Variants in AHI1 observed in about 807,000 individuals in gnomAD.
AHI1 encodes the protein jouberin.
In AHI1, 123 loss-of-function variants were observed where a neutral mutation model predicts 149.3. That is an observed-to-expected ratio of 0.82 (90% CI 0.71 to 0.96). The LOEUF is 0.96. Ranked by LOEUF, AHI1 falls within the 40% of genes least tolerant of loss-of-function variation. The pLI is 0.00. For missense variants in AHI1, 1,439 were observed against 1,422.7 expected (o/e 1.01, Z -0.18); for synonymous variants, 475 against 459.8 (o/e 1.03, Z -0.42).
At chr6:135,316,165 T>A (rs544599826) in intron 26 of AHI1, among the ~76,000 whole-genome samples, 3 of 152,166 alleles carry the variant, frequency 2.0e-5, no homozygotes, top group Admixed American at 6.5e-5. Context: ...GTCTTTCCAA[T>A]AAAGTACTTC....
intron 23 of AHI1, among the ~76,000 whole-genome samples, chr6:135,363,992 GC>G (rs1794440668): frequency 7.0e-6 from 1 of 142,750 alleles, no homozygotes; most frequent in East Asian, 2.1e-4. Context: ...GGGCAGAGGG[GC>G]TCCTCACTTC....
chr6:135,479,876 G>A (rs1049355588), intron 5 of AHI1, among the ~76,000 whole-genome samples: 1 of 152,098 alleles, frequency 6.6e-6, no homozygotes, highest in South Asian at 2.1e-4. Context: ...CCCTCTTGCT[G>A]TTCTCATGAG....
intron 27 of AHI1, among the ~76,000 whole-genome samples, chr6:135,298,577 C>T (rs1205310601): frequency 6.6e-6 from 1 of 152,182 alleles, no homozygotes; most frequent in Non-Finnish European, 1.5e-5. Flanking sequence ...ACCATCAACT[C>T]GCCTACAGTT....
In AHI1 at chr6:135,441,549, T is replaced by A. The variant is rs558333189; in HGVS notation, c.1912+1033A>T. 9.6e-3 allele frequency among the ~76,000 whole-genome samples: 1,458 copies of A among 152,340 alleles called. 20 individuals carry two copies. The highest frequency in any genetic ancestry group is 0.033 in the African/African-American group (1,365 of 41,562). On this transcript the variant is annotated intron_variant, in intron 14 of 28. Coordinates refer to ENST00000265602, the MANE Select transcript of AHI1 (RefSeq NM_001134831.2). ...AAGACAAAGATTCCTCTTCCTCCTC[T>A]ATTTTTGAGATTTAAGCAATATCTC...
chr6:135,313,103 G>C (rs1360821470), intron 26 of AHI1, among the ~76,000 whole-genome samples: 1 of 152,144 alleles, frequency 6.6e-6, no homozygotes, highest in Non-Finnish European at 1.5e-5. Flanking sequence ...CTCAAAAGTT[G>C]GCTGTTAGTT....
chr6:135,409,077 T>G (rs1379755624), intron 21 of AHI1, among the ~76,000 whole-genome samples: 1 of 152,180 alleles, frequency 6.6e-6, no homozygotes, highest in African/African-American at 2.4e-5. Context: ...ATCTCCTCCT[T>G]TTAGAAGAAC....
chr6:135,331,366 T>C (rs1275686072), intron 24 of AHI1, among the ~76,000 whole-genome samples: 1 of 152,214 alleles, frequency 6.6e-6, no homozygotes, highest in Non-Finnish European at 1.5e-5. Flanking sequence ...TGCTTGGTCA[T>C]AATCATGGTC....
chr6:135,386,057 A>AT (rs1297929280), intron 23 of AHI1, among the ~76,000 whole-genome samples: 1 of 152,168 alleles, frequency 6.6e-6, no homozygotes, highest in Non-Finnish European at 1.5e-5. Flanking sequence ...AGGGTGTATA[A>AT]TTTTTAATCT....
chr6:135,344,752 TTC>T (rs1042820078), intron 24 of AHI1, among the ~76,000 whole-genome samples: 2 of 150,664 alleles, frequency 1.3e-5, no homozygotes, highest in Non-Finnish European at 3.0e-5. Flanking sequence ...CTCCTTTCCT[TTC>T]TCTCTCTCTC....
In AHI1 at chr6:135,323,293, C is replaced by T. The variant is rs544992761; in HGVS notation, c.3197G>A (p.Arg1066Gln). 2.5e-5 allele frequency: 40 copies of T among 1,613,546 alleles called. No homozygotes were observed. Among genetic ancestry groups the T allele is most frequent in the South Asian group, 8.8e-5 (8 of 90,950 alleles). ...GCGATGGATGGTTAGTTCATCTGATCGATTCGCTGTGTAGTCATAAAGAGC... is the reference window on the plus strand; with the variant it reads ...GCGATGGATGGTTAGTTCATCTGATTGATTCGCTGTGTAGTCATAAAGAGC... The part of the protein sequence containing the change: ...VVALYDYTAN[R>Q]SDELTIHRGD... Residue 1066 changes from arginine to glutamine, a missense_variant, in exon 25 of 29, where the codon CGA (arginine) becomes CAA (glutamine). Coordinates refer to ENST00000265602, the MANE Select transcript of AHI1 (RefSeq NM_001134831.2).
intron 27 of AHI1, among the ~76,000 whole-genome samples, chr6:135,294,532 C>T (rs1231957581): frequency 6.6e-6 from 1 of 150,932 alleles, no homozygotes; most frequent in Non-Finnish European, 1.5e-5. Flanking sequence ...AAACAAACAA[C>T]CCTCCCCCCA....
intron 21 of AHI1, among the ~76,000 whole-genome samples, chr6:135,409,264 T>C (rs1781243865): frequency 6.6e-6 from 1 of 152,160 alleles, no homozygotes; most frequent in African/African-American, 2.4e-5. Context: ...CACACAAATA[T>C]ACACATCCTT....
chr6:135,294,274 C>T (rs1254493469), intron 27 of AHI1, among the ~76,000 whole-genome samples: 4 of 152,000 alleles, frequency 2.6e-5, no homozygotes, highest in Admixed American at 6.6e-5. Context: ...TGTAGTGAGC[C>T]GAGATCATGC....
chr6:135,357,457 C>T (rs1277991474), intron 24 of AHI1, among the ~76,000 whole-genome samples: 1 of 152,144 alleles, frequency 6.6e-6, no homozygotes, highest in Non-Finnish European at 1.5e-5. Context: ...ACTTCTGGTC[C>T]TAAGCATTTT....
intron 23 of AHI1, among the ~76,000 whole-genome samples, chr6:135,359,148 C>G (rs2128438312): frequency 6.6e-6 from 1 of 152,292 alleles, no homozygotes; most frequent in African/African-American, 2.4e-5. Context: ...CAAACAATCA[C>G]TTTTTATCGC....
intron 24 of AHI1, among the ~76,000 whole-genome samples, chr6:135,330,321 CA>C (rs1319526458): frequency 5.9e-5 from 9 of 152,036 alleles, no homozygotes; most frequent in African/African-American, 2.2e-4. Context: ...CAACCTTCAG[CA>C]ACTATCAGTC....
At chr6:135,407,236 C>T (rs1780920943) in intron 21 of AHI1, among the ~76,000 whole-genome samples, 1 of 151,694 alleles carries the variant, frequency 6.6e-6, no homozygotes, top group Non-Finnish European at 1.5e-5. Context: ...TAAACCTGTA[C>T]CATAATTTAT....
At chr6:135,388,168 T>C (rs984854398) in intron 23 of AHI1, 8 of 950,022 alleles carry the variant, frequency 8.4e-6, no homozygotes, top group Admixed American at 2.5e-5. Context: ...TAATCTACAA[T>C]AGTGAATTAA....
intron 24 of AHI1, among the ~76,000 whole-genome samples, chr6:135,343,707 G>A (rs1035787455): frequency 6.8e-6 from 1 of 147,828 alleles, no homozygotes; most frequent in Non-Finnish European, 1.5e-5. Flanking sequence ...AAATGCGAAA[G>A]AATAAAGTTG....
Sources: allele counts gnomAD v4.1 joint callset (sites outside exome capture counted in the v4.1 genomes callset), GRCh38; gene constraint gnomAD v4.1.1; transcripts MANE v1.5; gene names NCBI Gene and HGNC (gene_info 2026-07-23, HGNC 2026-07-21).